FRMPD4: variants seen among roughly 807,000 people sequenced by gnomAD.
FRMPD4 encodes FERM and PDZ domain containing 4.
Under a neutral mutation model 94.1 loss-of-function variants are expected in FRMPD4, and 22 were observed. That is an observed-to-expected ratio of 0.23 (90% CI 0.17 to 0.33). FRMPD4 has a LOEUF of 0.33. Among genes scored for constraint, FRMPD4 ranks in the 10% least tolerant of loss-of-function variants. FRMPD4 has a pLI of 1.00. For missense variants in FRMPD4, 1,111 were observed against 1,339.9 expected, an observed-to-expected ratio of 0.83 and a Z score of 2.67; for synonymous variants, 631 against 548.6, an observed-to-expected ratio of 1.15 and a Z score of -2.10.
chrX:11,890,700 C>A (rs2053869029), intron 3 of FRMPD4, among the ~76,000 whole-genome samples: 1 of 112,707 alleles, frequency 8.9e-6, no homozygotes, highest in Non-Finnish European at 1.9e-5. Flanking sequence ...CACACTTGTA[C>A]ATGGAGAAGC....
intron 3 of FRMPD4, among the ~76,000 whole-genome samples, chrX:12,030,230 A>T (rs753411866): frequency 8.9e-6 from 1 of 112,191 alleles, no homozygotes; most frequent in Non-Finnish European, 1.9e-5. Flanking sequence ...GTTTTCTAGA[A>T]AAGTTAGCAT....
At chrX:12,677,207 A>G (rs1468559978) in intron 5 of FRMPD4, among the ~76,000 whole-genome samples, 1 of 110,715 alleles carries the variant, frequency 9.0e-6, no homozygotes, top group Non-Finnish European at 1.9e-5. Context: ...ACAAACCAAA[A>G]TGTCTCCAAA....
intron 3 of FRMPD4, among the ~76,000 whole-genome samples, chrX:12,053,285 G>A (rs905852010): frequency 4.7e-5 from 5 of 105,401 alleles, no homozygotes; most frequent in African/African-American, 1.7e-4. Flanking sequence ...GTTGCAGTGA[G>A]CTGAGATCGT....
intron 3 of FRMPD4, among the ~76,000 whole-genome samples, chrX:11,947,882 T>C (rs376954382): frequency 1.8e-5 from 2 of 108,113 alleles, no homozygotes; most frequent in East Asian, 5.9e-4. Context: ...AGGTTGGGAG[T>C]TCGAGACCAG....
intron 1 of FRMPD4, among the ~76,000 whole-genome samples, chrX:12,399,908 A>G (rs2056589634): frequency 8.9e-6 from 1 of 112,024 alleles, no homozygotes; most frequent in Non-Finnish European, 1.9e-5. Context: ...TTAGGCATCA[A>G]ATGAAGAGGG....
intron 7 of FRMPD4, among the ~76,000 whole-genome samples, chrX:12,688,351 C>G (rs2060048476): frequency 8.9e-6 from 1 of 112,045 alleles, no homozygotes; most frequent in African/African-American, 3.2e-5. Flanking sequence ...TTGTCCATTC[C>G]CTCCAGCCTC....
intron 1 of FRMPD4, among the ~76,000 whole-genome samples, chrX:12,265,220 T>A (rs2054253099): frequency 8.9e-6 from 1 of 112,311 alleles, no homozygotes; most frequent in African/African-American, 3.2e-5. Flanking sequence ...ACCAGGATTT[T>A]AAAAATCTCT....
chrX:12,369,417 A>G (rs1344672027), intron 1 of FRMPD4, among the ~76,000 whole-genome samples: 1 of 111,644 alleles, frequency 9.0e-6, no homozygotes, highest in East Asian at 2.8e-4. Context: ...TAAATGCAAT[A>G]CATGTATATT....
chrX:12,716,790 C>T lies in FRMPD4; in HGVS notation c.2331C>T (p.Ser777=), dbSNP rs987601636. 6 of 1,210,001 alleles carry T rather than the reference C, an allele frequency of 5.0e-6. No homozygotes were observed. Among genetic ancestry groups the T allele is most frequent in the East Asian group, 3.0e-5 (1 of 33,845 alleles). The change falls in exon 15 of 17, where the codon AGC becomes AGT. Residue 777 remains serine, a synonymous_variant. Transcript: ENST00000675598. ...QPAILNLSGS[S]DDIIDLTSLP... is the part of the protein sequence containing the mutation. The stretch of plus-strand genomic sequence containing the variant: ...CCATCCTCAACCTGTCTGGGTCAAG[C>T]GATGACATCATTGACCTCACATCCC...
At chrX:12,556,226 T>C (rs1473148478) in intron 2 of FRMPD4, among the ~76,000 whole-genome samples, 1 of 110,843 alleles carries the variant, frequency 9.0e-6, no homozygotes. Context: ...TCTATGATTA[T>C]GTTACTTAGC....
chrX:12,590,057 C>T lies in FRMPD4; in HGVS notation c.159-19664C>T, dbSNP rs192941373. 4.1e-3 allele frequency among the ~76,000 whole-genome samples: 418 copies of T among 103,007 alleles called. 2 individuals are homozygous for T. Among genetic ancestry groups the T allele is most frequent in the African/African-American group, 0.014 (404 of 28,156 alleles). 89.4% of individuals were successfully genotyped at this position (103,007 alleles called of 115,157 possible). ...CGAGGCTTTATATGAACTGAAACTG[C>T]AAAGGTTTATTTATCTGCTTTAACT... is the stretch of plus-strand genomic sequence containing the variant. On this transcript the variant is annotated intron_variant, in intron 2 of 16. Transcript: ENST00000675598.
At chrX:12,575,029 A>C (rs916621495) in intron 2 of FRMPD4, among the ~76,000 whole-genome samples, 7 of 111,935 alleles carry the variant, frequency 6.3e-5, no homozygotes, top group Admixed American at 9.5e-5. Flanking sequence ...TCGTTAAAAG[A>C]AGCCCTAATT....
chrX:12,181,118 G>A (rs2056353167), intron 1 of FRMPD4, among the ~76,000 whole-genome samples: 1 of 111,825 alleles, frequency 8.9e-6, no homozygotes, highest in Non-Finnish European at 1.9e-5. Flanking sequence ...ATCCTGCATG[G>A]CATGTTCAAG....
chrX:12,151,375 TC>T (rs1476544721), intron 1 of FRMPD4, among the ~76,000 whole-genome samples: 1 of 111,069 alleles, frequency 9.0e-6, no homozygotes, highest in African/African-American at 3.3e-5. Flanking sequence ...GTTCTCCATG[TC>T]CCATCTACAC....
intron 1 of FRMPD4, among the ~76,000 whole-genome samples, chrX:11,840,735 AT>A (rs202150071): frequency 0.24 from 25,145 of 103,057 alleles, 2,349 homozygotes; most frequent in Middle Eastern, 0.3. Context: ...TTTATTTTTT[AT>A]TTTTTTTTAA....
chrX:11,877,764 A>G (rs191305274), intron 2 of FRMPD4, among the ~76,000 whole-genome samples: 53 of 112,315 alleles, frequency 4.7e-4, no homozygotes, highest in African/African-American at 1.7e-3. Flanking sequence ...CTGAGTGATG[A>G]AATATGATTG....
At chrX:12,666,822 A>G (rs1179174047) in intron 4 of FRMPD4, among the ~76,000 whole-genome samples, 1 of 112,522 alleles carries the variant, frequency 8.9e-6, no homozygotes, top group Non-Finnish European at 1.9e-5. Flanking sequence ...TGCCCACAGG[A>G]GAAAGCAGGA....
chrX:12,113,798 G>T (rs999120261), intron 3 of FRMPD4, among the ~76,000 whole-genome samples: 7 of 111,873 alleles, frequency 6.3e-5, no homozygotes, highest in African/African-American at 2.3e-4. Flanking sequence ...TTCCTCTTTG[G>T]TATAAGCTAG....
chrX:11,877,607 T>G (rs907324860), intron 2 of FRMPD4, among the ~76,000 whole-genome samples: 5 of 112,145 alleles, frequency 4.5e-5, no homozygotes, highest in Non-Finnish European at 7.5e-5. Flanking sequence ...AATTGCTGTT[T>G]TCTTAAATAA....
Sources: allele counts gnomAD v4.1 joint callset (sites outside exome capture counted in the v4.1 genomes callset), GRCh38; gene constraint gnomAD v4.1.1; transcripts MANE v1.5; gene names NCBI Gene and HGNC (gene_info 2026-07-23, HGNC 2026-07-21).